Variants in RCBTB2 observed in about 807,000 individuals in gnomAD.
The protein encoded by RCBTB2 is RCC1 and BTB domain-containing protein 2.
Under a neutral mutation model 65.4 loss-of-function variants are expected in RCBTB2, and 55 were observed. The ratio of observed to expected loss-of-function variants is 0.84; its 90% CI spans 0.68 to 1.05. RCBTB2 has a LOEUF of 1.05. Among genes scored for constraint, RCBTB2 ranks in the 50% least tolerant of loss-of-function variants. The probability of loss-of-function intolerance (pLI) is 0.00; values close to 1 mark genes in which losing one functional copy is unlikely to be tolerated. For synonymous variants in RCBTB2, 220 were observed against 255.2 expected (o/e 0.86, Z 1.31); for missense variants, 599 against 680.1 (o/e 0.88, Z 1.33).
rs570095675 is a variant in RCBTB2, at chr13:48,508,412, G to GT, written c.926+2216dup. On this transcript the variant is annotated intron_variant, in intron 10 of 14. Coordinates refer to ENST00000344532, the MANE Select transcript of RCBTB2 (RefSeq NM_001268.4). ...CATCTCATTTAAAACATTCATCCAT[G>GT]TTTTTTTTTTTTTTGAGACAGAGTC... Among the ~76,000 whole-genome samples, 750 of 143,528 alleles carry GT rather than the reference G, an allele frequency of 5.2e-3. 3 individuals are homozygous for GT. The highest frequency in any genetic ancestry group is 0.023 in the South Asian group (103 of 4,518). The allele number at this position is 143,528 out of a possible 152,430, so 94.2% of individuals were successfully genotyped here.
intron 2 of RCBTB2, among the ~76,000 whole-genome samples, chr13:48,522,710 A>T (rs1440884400): frequency 6.6e-6 from 1 of 152,226 alleles, no homozygotes; most frequent in East Asian, 1.9e-4. Flanking sequence ...TCCAAAAAGC[A>T]ATTTAATAAG....
chr13:48,530,910 A>G, intron 1 of RCBTB2, among the ~76,000 whole-genome samples: 1 of 152,222 alleles, frequency 6.6e-6, no homozygotes, highest in Non-Finnish European at 1.5e-5. Context: ...GACATTGTAG[A>G]GCACGATAAA....
intron 10 of RCBTB2, chr13:48,504,457 CTT>C: frequency 2.0e-6 from 1 of 496,640 alleles, no homozygotes; most frequent in Non-Finnish European, 2.6e-6. Context: ...CAGGAATGTT[CTT>C]TCTCTCTGCC....
chr13:48,529,107 G>C (rs61447518), intron 1 of RCBTB2, among the ~76,000 whole-genome samples: 30 of 152,232 alleles, frequency 2.0e-4, no homozygotes, highest in African/African-American at 7.2e-4. Flanking sequence ...CACGGCAAAA[G>C]TGTCATTTTC....
rs1356179852 is a variant in RCBTB2 at position 48,489,613 on chromosome 13, T to C, written c.*498A>G. 2 of 152,516 alleles carry C rather than the reference T, an allele frequency of 1.3e-5. No homozygotes were observed. The highest frequency in any genetic ancestry group is 4.8e-5 in the African/African-American group (2 of 41,468). The allele number at this position is 152,516 out of a possible 1,614,324, so 9.4% of individuals were successfully genotyped here. The stretch of plus-strand genomic sequence containing the variant: ...CTGTTTTAAGTTTATTTTGTGAAAG[T>C]TATTCCTTCTCCCAGTATTCCATGA... On this transcript the variant is annotated 3_prime_UTR_variant, in exon 15 of 15. Coordinates refer to ENST00000344532, the MANE Select transcript of RCBTB2 (RefSeq NM_001268.4).
rs1185117494 is a variant in RCBTB2, at chr13:48,489,538, A to G, written c.*573T>C. The stretch of plus-strand genomic sequence containing the variant: ...CTAAACAATGTTCTAAATTAGCCAC[A>G]ATTTCTCAGAATGATATACCAGAAG... On this transcript the variant is annotated 3_prime_UTR_variant, in exon 15 of 15. Coordinates refer to ENST00000344532, the MANE Select transcript of RCBTB2 (RefSeq NM_001268.4). The G allele has an allele frequency of 1.3e-5, 2 of 152,420 alleles. No individual in the cohort carries two copies. Among genetic ancestry groups the G allele is most frequent in the East Asian group, 3.9e-4 (2 of 5,194 alleles). 9.4% of individuals were successfully genotyped at this position (152,420 alleles called of 1,614,324 possible).
chr13:48,496,795 G>A (rs867024616), intron 13 of RCBTB2, among the ~76,000 whole-genome samples: 1 of 128,446 alleles, frequency 7.8e-6, no homozygotes, highest in Non-Finnish European at 1.7e-5. Context: ...AGAGAAGAGG[G>A]GAGGGGAGAG....
At chr13:48,530,895 TA>T (rs1328077287) in intron 1 of RCBTB2, among the ~76,000 whole-genome samples, 2 of 152,178 alleles carry the variant, frequency 1.3e-5, no homozygotes, top group Non-Finnish European at 2.9e-5. Context: ...TGGGCTCCCA[TA>T]AAAGACATTG....
chr13:48,502,453 A>G (rs1016768325), intron 11 of RCBTB2, among the ~76,000 whole-genome samples: 6 of 151,730 alleles, frequency 4.0e-5, no homozygotes, highest in Admixed American at 1.3e-4. Context: ...TGATTGCACC[A>G]CCGCACTCCA....
chr13:48,530,599 T>C (rs761909708), intron 1 of RCBTB2, among the ~76,000 whole-genome samples: 11 of 152,212 alleles, frequency 7.2e-5, no homozygotes, highest in Non-Finnish European at 1.3e-4. Context: ...CAGTTTCAAA[T>C]ACAGAAAAGC....
intron 10 of RCBTB2, among the ~76,000 whole-genome samples, 168 bp downstream of exon 10, chr13:48,510,461 C>G (rs1296304861): frequency 6.6e-6 from 1 of 152,180 alleles, no homozygotes; most frequent in Non-Finnish European, 1.5e-5. Flanking sequence ...AACATACAAT[C>G]AACCTCCCCA....
chr13:48,496,414 T>A, intron 13 of RCBTB2, 93 bp from the exon 14 acceptor site: 1 of 1,276,678 alleles, frequency 7.8e-7, no homozygotes, highest in South Asian at 1.6e-5. Context: ...TTTGACACTA[T>A]TTTAGATATA....
chr13:48,503,940 A>C (rs977969080), intron 10 of RCBTB2, among the ~76,000 whole-genome samples: 8 of 152,200 alleles, frequency 5.3e-5, no homozygotes, highest in African/African-American at 1.9e-4. Context: ...TTGAAGGAAA[A>C]TGGTAAACTC....
At chr13:48,529,339 G>C (rs1951976942) in intron 1 of RCBTB2, among the ~76,000 whole-genome samples, 1 of 152,146 alleles carries the variant, frequency 6.6e-6, no homozygotes, top group Admixed American at 6.5e-5. Context: ...CAACATGGCA[G>C]GCCCTCTTGG....
intron 14 of RCBTB2, among the ~76,000 whole-genome samples, chr13:48,490,889 T>C (rs1480579827): frequency 1.3e-5 from 2 of 152,200 alleles, no homozygotes; most frequent in African/African-American, 4.8e-5. Flanking sequence ...CAGATTGGTG[T>C]TTTCTGGCTT....
rs765485960 is a variant in RCBTB2 at position 48,502,720 on chromosome 13, T to C, written c.1117+4A>G. On this transcript the variant is annotated splice_donor_region_variant and intron_variant, in intron 11 of 14. Coordinates refer to ENST00000344532, the MANE Select transcript of RCBTB2 (RefSeq NM_001268.4). The stretch of plus-strand genomic sequence containing the variant: ...ATCCCCCAAATGGACAGTGACCAGC[T>C]TACCCACGGAGAGGAGGCGCCACGT... 1.2e-6 allele frequency: 2 copies of C among 1,605,852 alleles called. No individual in the cohort carries two copies. Among genetic ancestry groups the C allele is most frequent in the Non-Finnish European group, 1.7e-6 (2 of 1,174,414 alleles).
chr13:48,515,417 C>T, intron 5 of RCBTB2, 62 bp from the exon 6 acceptor site: 4 of 1,517,360 alleles, frequency 2.6e-6, no homozygotes, highest in Admixed American at 2.0e-5. Context: ...TAAATTACAT[C>T]CAAACAGGAA....
intron 10 of RCBTB2, chr13:48,504,304 T>C (rs1484650010): frequency 8.1e-6 from 8 of 985,290 alleles, no homozygotes; most frequent in Non-Finnish European, 9.6e-6. Flanking sequence ...TTCTCTCAGA[T>C]AAAATCCTGA....
chr13:48,504,168 C>T, intron 10 of RCBTB2: 1 of 985,388 alleles, frequency 1.0e-6, no homozygotes, highest in Non-Finnish European at 1.2e-6. Context: ...ACATCTGGCC[C>T]CTGTAACAGC....
Sources: allele counts gnomAD v4.1 joint callset (sites outside exome capture counted in the v4.1 genomes callset), GRCh38; gene constraint gnomAD v4.1.1; transcripts MANE v1.5; gene names NCBI Gene and HGNC (gene_info 2026-07-23, HGNC 2026-07-21).